Variants in CENPP observed in about 807,000 individuals in gnomAD.
CENPP encodes centromere protein P.
Under a neutral mutation model 35.6 loss-of-function variants are expected in CENPP, and 24 were observed. The ratio of observed to expected loss-of-function variants is 0.67; its 90% CI spans 0.49 to 0.95. The LOEUF is 0.95. CENPP is among the 40% of genes least tolerant of loss of function. CENPP has a pLI of 0.00. For missense variants in CENPP, 332 were observed against 345.3 expected (o/e 0.96, Z 0.31); for synonymous variants, 120 against 125.5 (o/e 0.96, Z 0.29).
intron 5 of CENPP, among the ~76,000 whole-genome samples, chr9:92,484,138 C>T (rs1564347420): frequency 6.6e-6 from 1 of 152,018 alleles, no homozygotes; most frequent in East Asian, 1.9e-4. Context: ...GTTTGTCCTG[C>T]ACAATGTTTT....
chr9:92,344,671 C>T (rs904037860), intron 3 of CENPP, among the ~76,000 whole-genome samples: 8 of 151,728 alleles, frequency 5.3e-5, no homozygotes, highest in Non-Finnish European at 7.4e-5. Context: ...CCTCAGCCTC[C>T]CGAGTAGCTG....
chr9:92,358,482 G>A (rs1232648638), intron 4 of CENPP, among the ~76,000 whole-genome samples: 1 of 152,094 alleles, frequency 6.6e-6, no homozygotes, highest in Non-Finnish European at 1.5e-5. Context: ...GACCTCAAGT[G>A]ATCCACCCAC....
chr9:92,416,022 AT>A (rs987988381), intron 5 of CENPP, among the ~76,000 whole-genome samples: 141 of 140,906 alleles, frequency 1.0e-3, no homozygotes, highest in South Asian at 3.6e-3. Flanking sequence ...GAGAATATAT[AT>A]TTTTTATATA....
At chr9:92,523,951 C>T (rs2131250927) in intron 5 of CENPP, among the ~76,000 whole-genome samples, 1 of 152,312 alleles carries the variant, frequency 6.6e-6, no homozygotes, top group African/African-American at 2.4e-5. Flanking sequence ...TAAGCCTTTT[C>T]CCCAACAACA....
At chr9:92,361,566 G>T (rs956078544) in intron 4 of CENPP, among the ~76,000 whole-genome samples, 1 of 151,238 alleles carries the variant, frequency 6.6e-6, no homozygotes, top group Non-Finnish European at 1.5e-5. Flanking sequence ...TGCAACCTCC[G>T]CTCCCCAGGT....
intron 5 of CENPP, among the ~76,000 whole-genome samples, chr9:92,399,083 T>C (rs996817733): frequency 2.0e-5 from 3 of 151,806 alleles, no homozygotes; most frequent in Admixed American, 1.3e-4. Context: ...TCAAAGTTGG[T>C]TCTTATGTCA....
At chr9:92,417,020 T>C (rs1281149989) in intron 5 of CENPP, 1 of 1,614,024 alleles carries the variant, frequency 6.2e-7, no homozygotes, top group Non-Finnish European at 8.5e-7. Context: ...ATCCATAGCA[T>C]TTGTCTGCAG....
intron 4 of CENPP, among the ~76,000 whole-genome samples, chr9:92,352,655 G>C: frequency 6.7e-6 from 1 of 150,272 alleles, no homozygotes; most frequent in Non-Finnish European, 1.5e-5. Context: ...GAAAAACTTG[G>C]AATTCAGTGT....
At chr9:92,392,389 C>T (rs915843065) in intron 5 of CENPP, among the ~76,000 whole-genome samples, 5 of 152,002 alleles carry the variant, frequency 3.3e-5, no homozygotes, top group Non-Finnish European at 5.9e-5. Context: ...TTTGGGAGGC[C>T]GAGGCGGGCG....
chr9:92,573,762 C>G (rs1054394858), intron 5 of CENPP, among the ~76,000 whole-genome samples: 2 of 152,212 alleles, frequency 1.3e-5, no homozygotes, highest in Admixed American at 1.3e-4. Context: ...TCGAGCTTCC[C>G]GGCTGCTTTG....
At chr9:92,489,444 A>C (rs1846129691) in intron 5 of CENPP, among the ~76,000 whole-genome samples, 1 of 152,188 alleles carries the variant, frequency 6.6e-6, no homozygotes, top group Non-Finnish European at 1.5e-5. Flanking sequence ...TGACTCATTC[A>C]GCGGTTATTT....
intron 5 of CENPP, among the ~76,000 whole-genome samples, chr9:92,528,333 C>T (rs1848540109): frequency 6.6e-6 from 1 of 152,116 alleles, no homozygotes; most frequent in Non-Finnish European, 1.5e-5. Flanking sequence ...CAGAGTCCAG[C>T]AGTCTCCATA....
chr9:92,452,477 G>C (rs568728365), intron 5 of CENPP, among the ~76,000 whole-genome samples: 3 of 152,180 alleles, frequency 2.0e-5, no homozygotes, highest in South Asian at 4.1e-4. Context: ...TAAGCTTTTT[G>C]ATGTGCTGCT....
chr9:92,565,293 T>TAA (rs3078380), intron 5 of CENPP, among the ~76,000 whole-genome samples: 2,636 of 33,082 alleles, frequency 0.08, 594 homozygotes, highest in East Asian at 0.24. Flanking sequence ...GCTGATGAGC[T>TAA]AAAAAAAAAA....
At chr9:92,329,576 C>T (rs1283971746) in intron 1 of CENPP, among the ~76,000 whole-genome samples, 1 of 151,850 alleles carries the variant, frequency 6.6e-6, no homozygotes, top group Non-Finnish European at 1.5e-5. Context: ...ACTCTGTTGC[C>T]CATGCTGAAG....
At chr9:92,554,577 T>C (rs948105144) in intron 5 of CENPP, among the ~76,000 whole-genome samples, 7 of 152,196 alleles carry the variant, frequency 4.6e-5, no homozygotes, top group Admixed American at 3.3e-4. Context: ...CACTTGATCA[T>C]GGTGGATTAT....
chr9:92,612,460 G>A, intron 6 of CENPP, 63 bp from the exon 7 acceptor site: 1 of 1,319,020 alleles, frequency 7.6e-7, no homozygotes, highest in Non-Finnish European at 1.1e-6. Flanking sequence ...TGCGACTCAT[G>A]GTTGCTAATC....
At chr9:92,545,428 C>T (rs1310566718) in intron 5 of CENPP, among the ~76,000 whole-genome samples, 1 of 152,162 alleles carries the variant, frequency 6.6e-6, no homozygotes, top group Non-Finnish European at 1.5e-5. Flanking sequence ...GGTACCCCAG[C>T]AGTGCCGGCC....
chr9:92,549,268 AAAG>A (rs1849535497), intron 5 of CENPP, among the ~76,000 whole-genome samples: 1 of 152,200 alleles, frequency 6.6e-6, no homozygotes, highest in African/African-American at 2.4e-5. Context: ...TTAATTAGAA[AAAG>A]AACACACTTT....
Sources: allele counts gnomAD v4.1 joint callset (sites outside exome capture counted in the v4.1 genomes callset), GRCh38; gene constraint gnomAD v4.1.1; transcripts MANE v1.5; gene names NCBI Gene and HGNC (gene_info 2026-07-23, HGNC 2026-07-21).